Variants in INTS9 observed in about 807,000 individuals in gnomAD.
The protein encoded by INTS9 is integrator complex subunit 9.
A neutral mutation model predicts 79.7 loss-of-function variants in INTS9; 55 were observed. The observed-to-expected ratio is 0.69, with a 90% CI of 0.56 to 0.86. The LOEUF (loss-of-function observed/expected upper bound fraction) is 0.86. Among genes scored for constraint, INTS9 ranks in the 40% least tolerant of loss-of-function variants. INTS9 has a pLI of 0.00. For missense variants in INTS9, 721 were observed against 831.5 expected, an observed-to-expected ratio of 0.87 and a Z score of 1.64; for synonymous variants, 319 against 325.2, an observed-to-expected ratio of 0.98 and a Z score of 0.20.
chr8:28,852,358 T>C (rs1236022869), intron 2 of INTS9, among the ~76,000 whole-genome samples: 1 of 152,108 alleles, frequency 6.6e-6, no homozygotes, highest in Admixed American at 6.5e-5. Context: ...CTCTGGGAGT[T>C]TTCTGCTGTA....
intron 5 of INTS9, among the ~76,000 whole-genome samples, chr8:28,836,533 A>G (rs1469207846): frequency 6.6e-6 from 1 of 152,136 alleles, no homozygotes; most frequent in Admixed American, 6.5e-5. Context: ...TTTCATTCTC[A>G]TTTATTTATT....
chr8:28,822,958 G>A (rs753320214), intron 6 of INTS9, among the ~76,000 whole-genome samples: 3 of 152,030 alleles, frequency 2.0e-5, no homozygotes, highest in Non-Finnish European at 4.4e-5. Context: ...AAATGAAGGA[G>A]TAAACAAGAA....
intron 6 of INTS9, 33 bp from the exon 7 acceptor site, chr8:28,813,645 G>A (rs773022869): frequency 6.2e-7 from 1 of 1,608,312 alleles, no homozygotes; most frequent in Non-Finnish European, 8.5e-7. Flanking sequence ...ACTACCAGGT[G>A]AACATTTCTT....
At chr8:28,821,108 C>CA (rs1805801248) in intron 6 of INTS9, among the ~76,000 whole-genome samples, 1 of 152,176 alleles carries the variant, frequency 6.6e-6, no homozygotes, top group Non-Finnish European at 1.5e-5. Context: ...GAATCTTAAA[C>CA]ATCCTGCTAT....
intron 1 of INTS9, among the ~76,000 whole-genome samples, chr8:28,878,652 C>A (rs1464803306): frequency 6.4e-4 from 84 of 131,238 alleles, no homozygotes; most frequent in African/African-American, 1.8e-3. Flanking sequence ...AAAAAAAAAA[C>A]AAAACAAAAA....
At chr8:28,885,114 C>G (rs1810114701) in intron 1 of INTS9, among the ~76,000 whole-genome samples, 1 of 152,204 alleles carries the variant, frequency 6.6e-6, no homozygotes, top group Non-Finnish European at 1.5e-5. Flanking sequence ...TTTGCTCCAT[C>G]TGTTTTCCCA....
intron 14 of INTS9, 118 bp from the exon 15 acceptor site, chr8:28,771,198 A>ATTT (rs749937782): frequency 1.3e-5 from 9 of 672,722 alleles, no homozygotes; most frequent in Admixed American, 2.4e-5. Context: ...AAGGTAAACA[A>ATTT]TTTTTTTTTT....
chr8:28,889,712 CCTT>C, intron 1 of INTS9, 159 bp downstream of exon 1: 1 of 701,760 alleles, frequency 1.4e-6, no homozygotes, highest in South Asian at 1.9e-5. Context: ...GGAATTCAAA[CCTT>C]CTCAACAACA....
At position 28,807,802 on chromosome 8, in the gene INTS9, CT is replaced by C. The variant is rs372055573; in HGVS notation, c.744+4524del. ...ACTACAAAAGCTTTCCTTTTACAGC[CT>C]TATACAAGACAAGGATGTCCACTAT... On this transcript the variant is annotated intron_variant, in intron 8 of 16. Transcript: ENST00000521022. 1.7e-3 allele frequency among the ~76,000 whole-genome samples: 266 copies of C among 152,254 alleles called. 1 individual carries two copies. Among genetic ancestry groups the C allele is most frequent in the African/African-American group, 6.1e-3 (254 of 41,540 alleles).
chr8:28,804,285 AT>A (rs1585382129), intron 8 of INTS9, among the ~76,000 whole-genome samples: 1 of 152,222 alleles, frequency 6.6e-6, no homozygotes, highest in African/African-American at 2.4e-5. Context: ...CAGCTGACAA[AT>A]TTGAGAAACT....
Position 28,812,403 on chromosome 8 carries a change from G to A in INTS9, c.668C>T (p.Ser223Phe), listed in dbSNP as rs1805202082. ...PLSSGYALGS[S>F]NWIIQSHYEK... ...GTAATGAGACTGGATGATCCAGTTG[G>A]AGCTCCCAAGGGCATAGCCAGAGCT... is the stretch of plus-strand genomic sequence containing the variant. The change falls in exon 8 of 17, where the codon TCC (serine) becomes TTC (phenylalanine). Residue 223 changes from serine (S) to phenylalanine (F), a missense_variant. By Grantham distance (155) the Ser-to-Phe change is radical. Transcript: ENST00000521022. The A allele has an allele frequency of 1.9e-6, 3 of 1,613,846 alleles. No individual in the cohort carries two copies. The African/African-American group carries it at 4.0e-5, about 22-fold the overall frequency.
rs186872625 is a variant in INTS9, at chr8:28,839,632, C to T, written c.262-1856G>A. 1.0e-3 allele frequency among the ~76,000 whole-genome samples: 154 copies of T among 152,084 alleles called. 6 individuals are homozygous for T. The East Asian group carries it at 0.026, about 26-fold the overall frequency. Reference sequence around the variant, plus strand: ...AACAGAACAGAGCCCTCAGAAATAACGCCGCATATCTATAACTATCTGATC... The same window carrying T: ...AACAGAACAGAGCCCTCAGAAATAATGCCGCATATCTATAACTATCTGATC... On this transcript the variant is annotated intron_variant, in intron 4 of 16. Coordinates refer to ENST00000521022, the MANE Select transcript of INTS9 (RefSeq NM_018250.4).
chr8:28,824,383 G>C (rs1232880595), intron 6 of INTS9, among the ~76,000 whole-genome samples: 1 of 152,202 alleles, frequency 6.6e-6, no homozygotes, highest in Non-Finnish European at 1.5e-5. Context: ...TTATCTGGGT[G>C]CTGCTTCTGC....
intron 1 of INTS9, among the ~76,000 whole-genome samples, chr8:28,880,225 G>GCTCTCCCTCTCCCTCTCC (rs56703987): frequency 1.2e-4 from 15 of 127,274 alleles, no homozygotes; most frequent in African/African-American, 3.0e-4. Context: ...TGTAGACATA[G>GCTCTCCCTCTCCCTCTCC]CTCTCCCTCT....
At chr8:28,789,869 G>C (rs1370398756) in intron 10 of INTS9, among the ~76,000 whole-genome samples, 1 of 141,164 alleles carries the variant, frequency 7.1e-6, no homozygotes. Context: ...CAGAGTGAGA[G>C]CCTGTCTCAA....
At chr8:28,770,808 T>C (rs1260750400) in intron 15 of INTS9, among the ~76,000 whole-genome samples, 174 bp downstream of exon 15, 1 of 152,198 alleles carries the variant, frequency 6.6e-6, no homozygotes, top group African/African-American at 2.4e-5. Context: ...TGGCAGCCCT[T>C]GGGATGACGT....
Position 28,839,203 on chromosome 8 carries a change from A to G in INTS9, c.262-1427T>C, listed in dbSNP as rs190063233. Among the ~76,000 whole-genome samples, 32 of 152,252 alleles carry G rather than the reference A, an allele frequency of 2.1e-4. No individual in the cohort carries two copies. In the East Asian group the frequency reaches 3.9e-3, roughly 18 times the overall value. ...CTCCCATTCACAATTGCTTCAAAGAAAATAAAATACCTAGGAATCCAACTT... is the reference window on the plus strand; with the variant it reads ...CTCCCATTCACAATTGCTTCAAAGAGAATAAAATACCTAGGAATCCAACTT... On this transcript the variant is annotated intron_variant, in intron 4 of 16. Transcript: ENST00000521022.
chr8:28,873,496 T>G (rs1291852463), intron 1 of INTS9, among the ~76,000 whole-genome samples: 1 of 152,242 alleles, frequency 6.6e-6, no homozygotes, highest in Non-Finnish European at 1.5e-5. Context: ...TAGTTCCATT[T>G]AAATGAAGTT....
At chr8:28,846,600 T>A (rs1807528554) in intron 4 of INTS9, 147 bp downstream of exon 4, 1 of 631,824 alleles carries the variant, frequency 1.6e-6, no homozygotes, top group East Asian at 2.7e-5. Context: ...ATGATGACAT[T>A]TTGGCTGTGT....
Sources: allele counts gnomAD v4.1 joint callset (sites outside exome capture counted in the v4.1 genomes callset), GRCh38; gene constraint gnomAD v4.1.1; transcripts MANE v1.5; gene names NCBI Gene and HGNC (gene_info 2026-07-23, HGNC 2026-07-21).